Variants in ABCD2 observed in about 807,000 individuals in gnomAD.
ABCD2 encodes the protein ATP binding cassette subfamily D member 2.
In ABCD2, 36 loss-of-function variants were observed where a neutral mutation model predicts 70.9. The ratio of observed to expected loss-of-function variants is 0.51; its 90% CI spans 0.39 to 0.67. The LOEUF (loss-of-function observed/expected upper bound fraction) is 0.67, where lower values mean the gene tolerates loss of function less well. Among genes scored for constraint, ABCD2 ranks in the 30% least tolerant of loss-of-function variants. The pLI is 0.00. For synonymous variants in ABCD2, 304 were observed against 306.9 expected (o/e 0.99, Z 0.10); for missense variants, 729 against 890.2 (o/e 0.82, Z 2.30).
At chr12:39,546,505 A>C (rs547497803), downstream of ABCD2, among the ~76,000 whole-genome samples, 4 of 152,270 alleles carry the variant, frequency 2.6e-5, no homozygotes, top group South Asian at 8.3e-4. Flanking sequence ...CATATAAATA[A>C]ATAAGATAAA....
In ABCD2 at chr12:39,619,622, A is replaced by G. The variant is rs1241731233; in HGVS notation, c.-7T>C. 3 of 1,598,708 alleles carry G rather than the reference A, an allele frequency of 1.9e-6. No individual in the cohort carries two copies. The South Asian group carries it at 3.3e-5, about 18-fold the overall frequency. ...CATTTAGCATATGTGTCATTTTCCCAGTTACCCAAACCGGCTTCCAAAAGA... is the reference window on the plus strand; with the variant it reads ...CATTTAGCATATGTGTCATTTTCCCGGTTACCCAAACCGGCTTCCAAAAGA... On this transcript the variant is annotated 5_prime_UTR_variant, in exon 1 of 10. Transcript: ENST00000308666.
intron 6 of ABCD2, among the ~76,000 whole-genome samples, chr12:39,597,501 A>C (rs545684915): frequency 6.6e-6 from 1 of 152,310 alleles, no homozygotes; most frequent in Admixed American, 6.5e-5. Context: ...AAAGACAGAT[A>C]AACTGCAACA....
At chr12:39,604,721 A>G in intron 4 of ABCD2, 41 bp downstream of exon 4, 1 of 1,458,252 alleles carries the variant, frequency 6.9e-7, no homozygotes, top group East Asian at 2.4e-5. Flanking sequence ...GTTGATAAAT[A>G]CTTAAATATA....
chr12:39,585,159 A>G (rs893772589), intron 7 of ABCD2, among the ~76,000 whole-genome samples: 2 of 152,116 alleles, frequency 1.3e-5, no homozygotes, highest in African/African-American at 4.8e-5. Context: ...TGAACATGGG[A>G]TGGTTTTCCA....
Position 39,558,973 on chromosome 12 carries a change from G to GA in ABCD2, c.2004-4843dup, listed in dbSNP as rs563893851. Among the ~76,000 whole-genome samples, 190 of 151,824 alleles carry GA rather than the reference G, an allele frequency of 1.3e-3. 1 individual carries two copies. Among genetic ancestry groups the GA allele is most frequent in the African/African-American group, 3.8e-3 (159 of 41,428 alleles). ...CAATAGCAGAATTTATCAAACAGAA[G>GA]AAAAAAATATGTGAACTTGAAAACA... On this transcript the variant is annotated intron_variant, in intron 9 of 9. Coordinates refer to ENST00000308666, the MANE Select transcript of ABCD2 (RefSeq NM_005164.4).
At chr12:39,543,141 T>G in the ABCD2 span, among the ~76,000 whole-genome samples, 1 of 152,294 alleles carries the variant, frequency 6.6e-6, no homozygotes, top group African/African-American at 2.4e-5. Flanking sequence ...CTTATCATAT[T>G]AAGTCAAAAT....
At chr12:39,586,349 C>A in intron 6 of ABCD2, 52 bp from the exon 7 acceptor site, 1 of 1,560,106 alleles carries the variant, frequency 6.4e-7, no homozygotes. Context: ...TGATAACTTA[C>A]TCAGTGTGAC....
intron 6 of ABCD2, among the ~76,000 whole-genome samples, chr12:39,595,372 G>A (rs1406656918): frequency 6.6e-6 from 1 of 152,140 alleles, no homozygotes; most frequent in African/African-American, 2.4e-5. Context: ...AGTAAAGTAT[G>A]TAGTCCCTTT....
At chr12:39,590,094 G>A (rs1235306627) in intron 6 of ABCD2, among the ~76,000 whole-genome samples, 1 of 152,154 alleles carries the variant, frequency 6.6e-6, no homozygotes, top group Non-Finnish European at 1.5e-5. Context: ...TATATAATTA[G>A]TTTGCATGTG....
intron 9 of ABCD2, among the ~76,000 whole-genome samples, chr12:39,573,454 T>C (rs1168081405): frequency 1.3e-5 from 2 of 152,096 alleles, no homozygotes; most frequent in East Asian, 1.9e-4. Flanking sequence ...TGTTACTGGG[T>C]AATGATAAAT....
intron 1 of ABCD2, among the ~76,000 whole-genome samples, chr12:39,618,235 C>A (rs184678682): frequency 2.6e-5 from 4 of 152,092 alleles, no homozygotes; most frequent in Non-Finnish European, 4.4e-5. Context: ...CTCTTCCCCC[C>A]TCTTGGACAA....
chr12:39,611,311 G>A (rs1055612843), intron 2 of ABCD2, among the ~76,000 whole-genome samples: 16 of 152,076 alleles, frequency 1.1e-4, no homozygotes, highest in South Asian at 4.1e-4. Context: ...AAGGCATAGG[G>A]GAAACTATGG....
the ABCD2 span, among the ~76,000 whole-genome samples, chr12:39,534,772 A>AAG: frequency 5.3e-4 from 56 of 105,414 alleles, no homozygotes; most frequent in African/African-American, 1.8e-3. Flanking sequence ...GAAAGAAAGA[A>AAG]AGAAAGAAAG....
intron 9 of ABCD2, among the ~76,000 whole-genome samples, chr12:39,561,176 A>G (rs1941252474): frequency 6.6e-6 from 1 of 151,818 alleles, no homozygotes; most frequent in African/African-American, 2.4e-5. Flanking sequence ...TGGGCAGATC[A>G]CTTGAGGTCA....
intron 9 of ABCD2, among the ~76,000 whole-genome samples, chr12:39,564,260 C>T (rs1941307228): frequency 6.6e-6 from 1 of 152,134 alleles, no homozygotes; most frequent in East Asian, 1.9e-4. Flanking sequence ...TAAAAGTGTT[C>T]CTATTTCTCC....
At position 39,600,546 on chromosome 12, in the gene ABCD2, T is replaced by C. The variant is rs779953976; in HGVS notation, c.1646+25A>G. On this transcript the variant is annotated intron_variant, in intron 6 of 9. Transcript: ENST00000308666. ...TTCAAGAGCAAAAGGAAATTGTTTC[T>C]TGTAATATAAAAAGATATACCTACC... The C allele has an allele frequency of 1.6e-5, 24 of 1,525,628 alleles. 1 individual carries two copies. In the Admixed American group the frequency reaches 5.1e-4, roughly 32 times the overall value. The allele number at this position is 1,525,628 out of a possible 1,614,324, so 94.5% of individuals were successfully genotyped here. A position where few individuals can be genotyped will look rare whatever the true frequency, so the allele number is the denominator to read the frequency against.
the ABCD2 span, among the ~76,000 whole-genome samples, chr12:39,543,549 G>T: frequency 6.6e-5 from 10 of 152,158 alleles, no homozygotes; most frequent in African/African-American, 1.9e-4. Context: ...CTGGAGAAAC[G>T]GAATTGAGAA....
intron 9 of ABCD2, among the ~76,000 whole-genome samples, chr12:39,555,710 T>C (rs1207446086): frequency 6.6e-6 from 1 of 152,162 alleles, no homozygotes; most frequent in Non-Finnish European, 1.5e-5. Flanking sequence ...TCACTTCTGC[T>C]GGTACCTGCA....
At chr12:39,573,450 T>C (rs1591976787) in intron 9 of ABCD2, among the ~76,000 whole-genome samples, 1 of 152,120 alleles carries the variant, frequency 6.6e-6, no homozygotes, top group East Asian at 1.9e-4. Flanking sequence ...TACATGTTAC[T>C]GGGTAATGAT....
Sources: gnomAD v4.1 joint callset for allele counts (sites outside exome capture counted in the v4.1 genomes callset) on GRCh38, gnomAD v4.1.1 for gene constraint, MANE v1.5 for transcripts, NCBI Gene and HGNC (gene_info 2026-07-23, HGNC 2026-07-21) for gene names.